The following RFWD3 variants were observed in gnomAD, a reference collection of about 807,000 sequenced individuals.
The protein encoded by RFWD3 is ring finger and WD repeat domain 3, also known as E3 ubiquitin-protein ligase RFWD3.
Under a neutral mutation model 87.7 loss-of-function variants are expected in RFWD3, and 65 were observed. The ratio of observed to expected loss-of-function variants is 0.74; its 90% CI spans 0.61 to 0.91. The LOEUF (loss-of-function observed/expected upper bound fraction) is 0.91, where lower values mean the gene tolerates loss of function less well. Ranked by LOEUF, RFWD3 falls within the 40% of genes least tolerant of loss-of-function variation. RFWD3 has a pLI of 0.00. For missense variants in RFWD3, 1,078 were observed against 938.5 expected, an observed-to-expected ratio of 1.15 and a Z score of -1.94; for synonymous variants, 433 against 352.8, an observed-to-expected ratio of 1.23 and a Z score of -2.55.
chr16:74,626,639 C>A, intron 11 of RFWD3, 85 bp from the exon 12 acceptor site: 1 of 1,046,524 alleles, frequency 9.6e-7, no homozygotes, highest in Non-Finnish European at 1.4e-6. Context: ...CGCTTACAAC[C>A]TAGTTGGATG....
intron 2 of RFWD3, among the ~76,000 whole-genome samples, chr16:74,656,716 C>A (rs8056556): frequency 2.6e-5 from 4 of 152,154 alleles, no homozygotes; most frequent in Admixed American, 6.5e-5. Context: ...CTTCAGCCCC[C>A]CAAAGTGCTG....
intron 6 of RFWD3, among the ~76,000 whole-genome samples, chr16:74,639,694 T>G (rs1307231742): frequency 6.6e-6 from 1 of 152,136 alleles, no homozygotes; most frequent in Non-Finnish European, 1.5e-5. Flanking sequence ...AAAATTAATA[T>G]GAAGAACAAT....
chr16:74,632,372 A>G, intron 9 of RFWD3, 151 bp downstream of exon 9: 2 of 823,486 alleles, frequency 2.4e-6, no homozygotes, highest in Non-Finnish European at 3.8e-6. Flanking sequence ...AGCCTGGGTG[A>G]CAGAGCGAGA....
chr16:74,648,172 T>C (rs1314684391), intron 4 of RFWD3, among the ~76,000 whole-genome samples: 1 of 152,224 alleles, frequency 6.6e-6, no homozygotes, highest in East Asian at 2.0e-4. Flanking sequence ...CTTAACCTTG[T>C]TGGCTAGACA....
chr16:74,650,907 A>G (rs1171234609), intron 3 of RFWD3, among the ~76,000 whole-genome samples: 2 of 152,042 alleles, frequency 1.3e-5, no homozygotes, highest in East Asian at 3.9e-4. Flanking sequence ...AAAACAACAA[A>G]AAAACCCACT....
At chr16:74,662,569 T>TAAAA (rs1425795921) in intron 1 of RFWD3, among the ~76,000 whole-genome samples, 1 of 152,114 alleles carries the variant, frequency 6.6e-6, no homozygotes, top group African/African-American at 2.4e-5. Context: ...AGTACTCTTT[T>TAAAA]AAAGAGTGAA....
At chr16:74,624,898 A>C (rs552961318) in intron 12 of RFWD3, among the ~76,000 whole-genome samples, 5 of 152,316 alleles carry the variant, frequency 3.3e-5, no homozygotes, top group Non-Finnish European at 5.9e-5. Flanking sequence ...AGGCTGAAGG[A>C]GGATTGCTTA....
chr16:74,645,829 T>C (rs1051452169), intron 4 of RFWD3, among the ~76,000 whole-genome samples: 1 of 140,788 alleles, frequency 7.1e-6, no homozygotes, highest in Non-Finnish European at 1.5e-5. Context: ...CTCGGCTCAC[T>C]GCAAGTTCCG....
At chr16:74,637,710 A>G in intron 7 of RFWD3, 146 bp downstream of exon 7, 1 of 584,976 alleles carries the variant, frequency 1.7e-6, no homozygotes, top group Non-Finnish European at 3.1e-6. Flanking sequence ...AGATGCCCTA[A>G]TCAGAAATAA....
chr16:74,652,268 G>A (rs9923145), intron 2 of RFWD3, 146 bp from the exon 3 acceptor site: 364,652 of 669,798 alleles, frequency 0.54, 103,214 homozygotes, highest in African/African-American at 0.77. Context: ...AGGTATAGCA[G>A]ATAAGGGGGG....
At chr16:74,656,660 G>A (rs545697693) in intron 2 of RFWD3, among the ~76,000 whole-genome samples, 6 of 152,154 alleles carry the variant, frequency 3.9e-5, no homozygotes, top group South Asian at 2.1e-4. Context: ...GTTTCAACAT[G>A]TTGGCCAGGT....
chr16:74,641,161 A>G (rs933300231), intron 6 of RFWD3, among the ~76,000 whole-genome samples: 1 of 151,914 alleles, frequency 6.6e-6, no homozygotes, highest in Non-Finnish European at 1.5e-5. Context: ...ACACAAACAG[A>G]TAATTTTTTT....
intron 4 of RFWD3, among the ~76,000 whole-genome samples, chr16:74,645,523 G>A (rs1407765677): frequency 6.6e-6 from 1 of 152,120 alleles, no homozygotes; most frequent in Non-Finnish European, 1.5e-5. Flanking sequence ...AAATACTGTA[G>A]GCAACTGTAG....
chr16:74,657,368 A>G (rs1961070854), intron 2 of RFWD3, among the ~76,000 whole-genome samples: 1 of 152,124 alleles, frequency 6.6e-6, no homozygotes, highest in African/African-American at 2.4e-5. Context: ...CTGAATTATG[A>G]AAAAGTTGAT....
chr16:74,625,199 C>CAA (rs61114405), intron 12 of RFWD3, among the ~76,000 whole-genome samples: 14,718 of 121,644 alleles, frequency 0.12, 1,105 homozygotes, highest in South Asian at 0.35. Context: ...GACCCTGTCT[C>CAA]AAAAAAAAAA....
chr16:74,662,745 G>A (rs1312369142), intron 1 of RFWD3, among the ~76,000 whole-genome samples: 1 of 152,162 alleles, frequency 6.6e-6, no homozygotes, highest in African/African-American at 2.4e-5. Flanking sequence ...TTTCTTCTAT[G>A]TTAGGAATGC....
intron 8 of RFWD3, among the ~76,000 whole-genome samples, chr16:74,632,918 C>T (rs1038319161): frequency 1.3e-5 from 2 of 152,190 alleles, no homozygotes; most frequent in Non-Finnish European, 2.9e-5. Context: ...CTGCTCGCCT[C>T]AGCCTCCCAA....
At chr16:74,642,040 A>G (rs1319580265) in intron 6 of RFWD3, among the ~76,000 whole-genome samples, 1 of 152,114 alleles carries the variant, frequency 6.6e-6, no homozygotes, top group Non-Finnish European at 1.5e-5. Context: ...CAAATACATA[A>G]TAACTCTTGG....
chr16:74,637,750 A>C lies in RFWD3; in HGVS notation c.1194+106T>G, dbSNP rs139816748. On this transcript the variant is annotated intron_variant, in intron 7 of 12. Coordinates refer to ENST00000361070, the MANE Select transcript of RFWD3 (RefSeq NM_018124.4). ...AGGAGTTGGTCATGTTCATTTCCTA[A>C]ACAACTTGGCAAATCCTATTTGTTT... The C allele has an allele frequency of 8.5e-4, 680 of 799,770 alleles. 3 individuals carry two copies. In the African/African-American group the frequency reaches 0.011, roughly 13 times the overall value. The allele number at this position is 799,770 out of a possible 1,614,324, so 49.5% of individuals were successfully genotyped here.
Sources: gnomAD v4.1 joint callset for allele counts (sites outside exome capture counted in the v4.1 genomes callset) on GRCh38, gnomAD v4.1.1 for gene constraint, MANE v1.5 for transcripts, NCBI Gene and HGNC (gene_info 2026-07-23, HGNC 2026-07-21) for gene names.